LGALS9C: variants seen among roughly 807,000 people sequenced by gnomAD.
LGALS9C encodes galectin-9C.
In LGALS9C, 7 loss-of-function variants were observed where a neutral mutation model predicts 41.3. The observed-to-expected ratio is 0.17, with a 90% CI of 0.10 to 0.32. The LOEUF is 0.32. Among genes scored for constraint, LGALS9C ranks in the 10% least tolerant of loss-of-function variants. The pLI is 1.00. For missense variants in LGALS9C, 102 were observed against 455.2 expected, an observed-to-expected ratio of 0.22 and a Z score of 7.06; for synonymous variants, 44 against 171.0, an observed-to-expected ratio of 0.26 and a Z score of 5.80.
chr17:18,488,805 T>G, intron 4 of LGALS9C, 136 bp from the exon 5 acceptor site: 1 of 1,272,650 alleles, frequency 7.9e-7, no homozygotes, highest in Non-Finnish European at 1.1e-6. Context: ...CGCTCCCGCC[T>G]CCGTGTGGCC....
At chr17:18,484,043 A>T in intron 2 of LGALS9C, 77 bp downstream of exon 2, 1 of 1,254,618 alleles carries the variant, frequency 8.0e-7, no homozygotes, top group East Asian at 2.3e-5. Flanking sequence ...AGCCTCGGCT[A>T]GTTCAAACAA....
chr17:18,494,563 C>T lies in LGALS9C; in HGVS notation c.*196C>T, dbSNP rs1389194831. ...GAAGGCAGCTGACTGGGATTGCCTT[C>T]CTCAGCCGCAGCAGCACCTGGGGCG... On this transcript the variant is annotated 3_prime_UTR_variant, in exon 11 of 11. Transcript: ENST00000328114. 1 of 990,952 alleles carries T rather than the reference C, an allele frequency of 1.0e-6. No individual in the cohort carries two copies. The highest frequency in any genetic ancestry group is 2.6e-5 in the East Asian group (1 of 38,142). The allele number at this position is 990,952 out of a possible 1,614,324, so 61.4% of individuals were successfully genotyped here. A position where few individuals can be genotyped will look rare whatever the true frequency, so the allele number is the denominator to read the frequency against.
At chr17:18,492,314 T>C (rs1425814219) in intron 8 of LGALS9C, 143 bp from the exon 9 acceptor site, 2 of 1,134,918 alleles carry the variant, frequency 1.8e-6, no homozygotes, top group African/African-American at 3.0e-5. Context: ...AGTTTTCCTT[T>C]GGCTTTTATG....
At chr17:18,492,938 G>C (rs1424620601) in intron 10 of LGALS9C, 79 bp downstream of exon 10, 1 of 1,407,612 alleles carries the variant, frequency 7.1e-7, no homozygotes, top group East Asian at 2.3e-5. Context: ...GGGGTACCTT[G>C]AACAGGATGG....
chr17:18,492,390 A>G, intron 8 of LGALS9C, 67 bp from the exon 9 acceptor site: 3 of 1,506,294 alleles, frequency 2.0e-6, no homozygotes, highest in South Asian at 1.2e-5. Flanking sequence ...AACTGGTACA[A>G]TCTTCCCCTT....
intron 1 of LGALS9C, among the ~76,000 whole-genome samples, chr17:18,478,516 GT>G (rs1989285141): frequency 7.9e-6 from 1 of 126,760 alleles, no homozygotes; most frequent in African/African-American, 2.6e-5. Context: ...CATGCCGACA[GT>G]GGGGGAAGGT....
At chr17:18,488,778 C>T (rs1427328709) in intron 4 of LGALS9C, among the ~76,000 whole-genome samples, 163 bp from the exon 5 acceptor site, 1 of 135,964 alleles carries the variant, frequency 7.4e-6, no homozygotes, top group Non-Finnish European at 1.7e-5. Context: ...CGCTGCTCAC[C>T]GAAGCCTGGC....
At chr17:18,483,179 AAG>A (rs201154118) in intron 1 of LGALS9C, among the ~76,000 whole-genome samples, 7,965 of 120,058 alleles carry the variant, frequency 0.066, 67 homozygotes, top group Middle Eastern at 0.14. Context: ...AGAGGCGCGG[AAG>A]AGAGAATTTG....
At chr17:18,484,645 C>T in intron 2 of LGALS9C, among the ~76,000 whole-genome samples, 1 of 149,706 alleles carries the variant, frequency 6.7e-6, no homozygotes, top group South Asian at 2.2e-4. Flanking sequence ...TGGCTGCCTG[C>T]TGAAGTCTGC....
intron 8 of LGALS9C, 40 bp from the exon 9 acceptor site, chr17:18,492,417 C>T (rs777426166): frequency 8.6e-6 from 13 of 1,509,250 alleles, no homozygotes; most frequent in Non-Finnish European, 1.2e-5. Flanking sequence ...GGCGGCTGCC[C>T]TGACTGCCAC....
At chr17:18,479,762 A>G (rs2151661356) in intron 1 of LGALS9C, among the ~76,000 whole-genome samples, 1 of 126,374 alleles carries the variant, frequency 7.9e-6, no homozygotes, top group East Asian at 2.0e-4. Flanking sequence ...TTGCTTTCTT[A>G]ATGATTCTGG....
intron 1 of LGALS9C, among the ~76,000 whole-genome samples, chr17:18,481,894 G>A (rs574867664): frequency 1.4e-5 from 2 of 138,254 alleles, no homozygotes; most frequent in African/African-American, 5.0e-5. Flanking sequence ...TTGGCTAGTG[G>A]GTGTTTTCTG....
At chr17:18,477,288 C>T (rs1400844477) in intron 1 of LGALS9C, among the ~76,000 whole-genome samples, 1 of 124,302 alleles carries the variant, frequency 8.0e-6, no homozygotes, top group African/African-American at 2.5e-5. Context: ...CAGCTATTTA[C>T]TGGCTGGTGG....
At chr17:18,482,566 C>T (rs868772624) in intron 1 of LGALS9C, among the ~76,000 whole-genome samples, 1,646 of 144,660 alleles carry the variant, frequency 0.011, no homozygotes, top group African/African-American at 0.038. Flanking sequence ...GAAGTTCTGC[C>T]AATACTAAGC....
At chr17:18,477,849 C>T (rs1267939650) in intron 1 of LGALS9C, among the ~76,000 whole-genome samples, 1 of 128,552 alleles carries the variant, frequency 7.8e-6, no homozygotes, top group Non-Finnish European at 1.9e-5. Flanking sequence ...TGGGCCCTTC[C>T]TGAGTGGGGA....
At position 18,477,228 on chromosome 17, in the gene LGALS9C, C is replaced by T. The variant is rs1989239614; in HGVS notation, c.39+335C>T. On this transcript the variant is annotated intron_variant, in intron 1 of 10. Coordinates refer to ENST00000328114, the MANE Select transcript of LGALS9C (RefSeq NM_001040078.3). ...TGCTTCTGGGACAGTAAGGATGCTA[C>T]CCGGCATGGTAGTTAAGGGTGCGTA... 3.1e-5 allele frequency among the ~76,000 whole-genome samples: 4 copies of T among 129,510 alleles called. 1 individual carries two copies. Among genetic ancestry groups the T allele is most frequent in the South Asian group, 4.8e-4 (2 of 4,144 alleles). The allele number at this position is 129,510 out of a possible 152,430, so 85.0% of individuals were successfully genotyped here.
rs745602716 is a variant in LGALS9C at position 18,494,338 on chromosome 17, G to C, written c.1042G>C (p.Asp348His). 81 of 1,490,832 alleles carry C rather than the reference G, an allele frequency of 5.4e-5. 18 individuals carry two copies. 92.4% of individuals were successfully genotyped at this position (1,490,832 alleles called of 1,614,324 possible). A position where few individuals can be genotyped will look rare whatever the true frequency, so the allele number is the denominator to read the frequency against. ...CATCAACAAACTGGAAGTGGGTGGC[G>C]ACATCCAGCTGACCCACGTGCAGAC... Reference protein sequence around the residue: ...PTINKLEVGGDIQLTHVQT With the variant: ...PTINKLEVGGHIQLTHVQT Residue 348 changes from aspartate (D) to histidine (H), a missense_variant, in exon 11 of 11, where the codon GAC (aspartate) becomes CAC (histidine). Physicochemically the swap from Asp to His is moderately conservative, Grantham distance 81. Transcript: ENST00000328114.
chr17:18,479,334 C>T (rs1361822693), intron 1 of LGALS9C, among the ~76,000 whole-genome samples: 1 of 130,056 alleles, frequency 7.7e-6, no homozygotes, highest in African/African-American at 2.5e-5. Context: ...CTGTCAAGGC[C>T]GACATGGGCC....
chr17:18,492,896 A>G (rs1332047764), intron 10 of LGALS9C, 37 bp downstream of exon 10: 1 of 1,427,288 alleles, frequency 7.0e-7, no homozygotes, highest in East Asian at 2.3e-5. Flanking sequence ...GGAGGCTCCT[A>G]TGGGTACACG....
Sources: allele counts gnomAD v4.1 joint callset (sites outside exome capture counted in the v4.1 genomes callset), GRCh38; gene constraint gnomAD v4.1.1; transcripts MANE v1.5; gene names NCBI Gene and HGNC (gene_info 2026-07-23, HGNC 2026-07-21).